AGBL1: variants seen among roughly 807,000 people sequenced by gnomAD.
The protein encoded by AGBL1 is cytosolic carboxypeptidase 4.
In AGBL1, 130 loss-of-function variants were observed where a neutral mutation model predicts 118.9. The ratio of observed to expected loss-of-function variants is 1.09; its 90% CI spans 0.95 to 1.26. The LOEUF (loss-of-function observed/expected upper bound fraction) is 1.26. Among genes scored for constraint, AGBL1 ranks in the 50% most tolerant of loss-of-function variants. The pLI is 0.00. For synonymous variants in AGBL1, 555 were observed against 478.9 expected, an observed-to-expected ratio of 1.16 and a Z score of -2.08; for missense variants, 1,584 against 1,298.1, an observed-to-expected ratio of 1.22 and a Z score of -3.38.
chr15:86,086,050 A>G (rs1222839943), intron 1 of AGBL1, among the ~76,000 whole-genome samples: 1 of 152,192 alleles, frequency 6.6e-6, no homozygotes, highest in South Asian at 2.1e-4. Flanking sequence ...CAGTGATGCA[A>G]TGAGGTGCAT....
chr15:86,819,694 C>T (rs1313699512), intron 22 of AGBL1, among the ~76,000 whole-genome samples: 3 of 151,882 alleles, frequency 2.0e-5, no homozygotes, highest in Non-Finnish European at 4.4e-5. Context: ...GCAGAATCTA[C>T]ATTATGAAAA....
At chr15:86,435,217 T>A (rs2081987454) in intron 18 of AGBL1, among the ~76,000 whole-genome samples, 1 of 152,256 alleles carries the variant, frequency 6.6e-6, no homozygotes, top group South Asian at 2.1e-4. Context: ...TATGTGCATA[T>A]TAAATTTTCT....
chr15:86,683,596 C>T (rs2086000946), intron 22 of AGBL1, among the ~76,000 whole-genome samples: 1 of 152,228 alleles, frequency 6.6e-6, no homozygotes, highest in African/African-American at 2.4e-5. Flanking sequence ...GGATCTCATT[C>T]ACCTCTGCCT....
At chr15:86,296,275 G>T (rs560712913) in intron 17 of AGBL1, 6 of 151,686 alleles carry the variant, frequency 4.0e-5, no homozygotes, top group African/African-American at 1.4e-4. Context: ...AATGTTTTGT[G>T]ATACAGAGAA....
chr15:86,770,129 T>A (rs1158469340), intron 22 of AGBL1, among the ~76,000 whole-genome samples: 1 of 152,022 alleles, frequency 6.6e-6, no homozygotes, highest in Non-Finnish European at 1.5e-5. Context: ...TTATTTCCTT[T>A]ATAAATGAAA....
Position 86,911,199 on chromosome 15 carries a change from A to G in AGBL1, c.*3905A>G, listed in dbSNP as rs1377312460. On this transcript the variant is annotated 3_prime_UTR_variant, in exon 23 of 23. Transcript: ENST00000614907. Reference sequence around the variant, plus strand: ...GCCAAGTGCATGCTGTCCTGTACCAACTGTCATCCGGTGCTCTGCATGCAG... The same window carrying G: ...GCCAAGTGCATGCTGTCCTGTACCAGCTGTCATCCGGTGCTCTGCATGCAG... The G allele has an allele frequency of 6.6e-6, 1 of 152,432 alleles. No homozygotes were observed. The highest frequency in any genetic ancestry group is 1.9e-4 in the East Asian group (1 of 5,196). 9.4% of individuals were successfully genotyped at this position (152,432 alleles called of 1,614,324 possible). A position where few individuals can be genotyped will look rare whatever the true frequency, so the allele number is the denominator to read the frequency against.
chr15:86,132,052 C>A (rs567846660), intron 1 of AGBL1, among the ~76,000 whole-genome samples: 1 of 152,002 alleles, frequency 6.6e-6, no homozygotes, highest in African/African-American at 2.4e-5. Flanking sequence ...CTGAAAACAG[C>A]GCTTCAGATT....
At chr15:86,956,071 G>T (rs1457196112) in intron 23 of AGBL1, among the ~76,000 whole-genome samples, 1 of 152,032 alleles carries the variant, frequency 6.6e-6, no homozygotes. Context: ...AAGCAACATT[G>T]TTGGTAGTAG....
At position 86,686,202 on chromosome 15, in the gene AGBL1, A is replaced by G. The variant is rs535740884; in HGVS notation, c.3158+11766A>G. 3.3e-5 allele frequency among the ~76,000 whole-genome samples: 5 copies of G among 152,226 alleles called. No individual in the cohort carries two copies. The South Asian group carries it at 8.3e-4, about 25-fold the overall frequency. The stretch of plus-strand genomic sequence containing the variant: ...CTATTGAATGTTTGCTTTTTAAAGG[A>G]TTGATCTAGTTTTTTTAAAGAAGGC... On this transcript the variant is annotated intron_variant, in intron 22 of 22. Coordinates refer to ENST00000614907, the MANE Select transcript of AGBL1 (RefSeq NM_001386094.1).
At chr15:86,485,811 C>A (rs2082705214) in intron 18 of AGBL1, among the ~76,000 whole-genome samples, 1 of 152,070 alleles carries the variant, frequency 6.6e-6, no homozygotes, top group Non-Finnish European at 1.5e-5. Flanking sequence ...TATTCTTATT[C>A]TGATCCAGGT....
intron 17 of AGBL1, among the ~76,000 whole-genome samples, chr15:86,341,534 AG>A (rs1393856336): frequency 2.0e-5 from 3 of 152,222 alleles, no homozygotes; most frequent in African/African-American, 7.2e-5. Context: ...GGACTCAGGA[AG>A]GGTACATCTA....
chr15:86,504,636 A>T (rs2082954078), intron 18 of AGBL1, among the ~76,000 whole-genome samples: 1 of 151,638 alleles, frequency 6.6e-6, no homozygotes, highest in African/African-American at 2.4e-5. Context: ...TAGTCAGATT[A>T]AAACAAACTT....
intron 24 of AGBL1, among the ~76,000 whole-genome samples, chr15:87,011,702 G>T (rs2081562089): frequency 6.6e-6 from 1 of 152,174 alleles, no homozygotes; most frequent in Admixed American, 6.5e-5. Context: ...CTGGAGAGGA[G>T]TTTATTTTGT....
At chr15:87,025,593 C>T (rs1267691369) in intron 24 of AGBL1, among the ~76,000 whole-genome samples, 3 of 151,928 alleles carry the variant, frequency 2.0e-5, no homozygotes, top group Admixed American at 6.6e-5. Flanking sequence ...TCTACAAATT[C>T]AGAGCAATAC....
chr15:86,301,984 C>G (rs902440971), intron 17 of AGBL1, among the ~76,000 whole-genome samples: 1 of 151,944 alleles, frequency 6.6e-6, no homozygotes, highest in South Asian at 2.1e-4. Flanking sequence ...TTTGTTTTTC[C>G]TCATTTTTCT....
At chr15:86,276,934 G>A (rs371066390) in intron 15 of AGBL1, among the ~76,000 whole-genome samples, 6 of 152,234 alleles carry the variant, frequency 3.9e-5, no homozygotes, top group South Asian at 2.1e-4. Flanking sequence ...GGCTTTGAAG[G>A]TCCTGGGAAA....
At chr15:86,887,019 C>T (rs1205030955) in intron 22 of AGBL1, among the ~76,000 whole-genome samples, 3 of 152,122 alleles carry the variant, frequency 2.0e-5, no homozygotes, top group Admixed American at 6.6e-5. Flanking sequence ...GTGGAATGCT[C>T]ACAGAGTTCC....
chr15:86,164,272 A>C (rs1447114968), intron 5 of AGBL1, among the ~76,000 whole-genome samples: 2 of 152,158 alleles, frequency 1.3e-5, no homozygotes, highest in Non-Finnish European at 2.9e-5. Context: ...TTTTTATAGA[A>C]GTAGGGAGGA....
At chr15:86,139,268 T>C (rs913200308) in intron 1 of AGBL1, among the ~76,000 whole-genome samples, 4 of 152,072 alleles carry the variant, frequency 2.6e-5, no homozygotes, top group African/African-American at 9.7e-5. Flanking sequence ...ACTCAGGAAG[T>C]CCACACTGTC....
Sources: gnomAD v4.1 joint callset for allele counts (sites outside exome capture counted in the v4.1 genomes callset) on GRCh38, gnomAD v4.1.1 for gene constraint, MANE v1.5 for transcripts, NCBI Gene and HGNC (gene_info 2026-07-23, HGNC 2026-07-21) for gene names.